The following DISP1 variants were observed in gnomAD, a reference collection of about 807,000 sequenced individuals.
DISP1 encodes protein dispatched homolog 1.
DISP1 carries 30 observed loss-of-function variants against 37.3 expected under a neutral mutation model. That is an observed-to-expected ratio of 0.80 (90% CI 0.60 to 1.09). The LOEUF is 1.09. Ranked by LOEUF, DISP1 falls within the 50% of genes least tolerant of loss-of-function variation. DISP1 has a pLI of 0.00. For synonymous variants in DISP1, 634 were observed against 690.2 expected (o/e 0.92, Z 1.28); for missense variants, 1,598 against 1,879.5 (o/e 0.85, Z 2.77).
chr1:222,940,850 C>T (rs773536336), intron 2 of DISP1, among the ~76,000 whole-genome samples: 1 of 152,028 alleles, frequency 6.6e-6, no homozygotes, highest in African/African-American at 2.4e-5. Context: ...ATGGAGTGCT[C>T]GTACAATGAG....
intron 3 of DISP1, among the ~76,000 whole-genome samples, chr1:222,982,114 G>A (rs1463114397): frequency 6.6e-6 from 1 of 152,164 alleles, no homozygotes; most frequent in African/African-American, 2.4e-5. Flanking sequence ...AAAAAGTTTA[G>A]CAAGATAAGT....
At chr1:222,963,262 G>A (rs545604114) in intron 3 of DISP1, among the ~76,000 whole-genome samples, 2 of 152,330 alleles carry the variant, frequency 1.3e-5, no homozygotes, top group East Asian at 3.9e-4. Context: ...TTATTAAAAA[G>A]TCATGAAACA....
chr1:222,904,799 C>G (rs568702355), intron 1 of DISP1, among the ~76,000 whole-genome samples: 2 of 152,178 alleles, frequency 1.3e-5, no homozygotes, highest in East Asian at 3.9e-4. Flanking sequence ...AACTCCTGAC[C>G]TCATGATCTG....
chr1:222,906,502 G>A (rs1671898033), intron 1 of DISP1, among the ~76,000 whole-genome samples: 1 of 152,214 alleles, frequency 6.6e-6, no homozygotes, highest in African/African-American at 2.4e-5. Context: ...GTCCGCACAA[G>A]ATACTGGTCA....
intron 1 of DISP1, chr1:222,823,945 G>C (rs1460141860): frequency 6.6e-6 from 1 of 150,508 alleles, no homozygotes; most frequent in African/African-American, 2.5e-5. Context: ...TTGACAAATA[G>C]GTATAGCTAC....
At chr1:222,899,557 A>G (rs184099991) in intron 1 of DISP1, among the ~76,000 whole-genome samples, 1 of 152,078 alleles carries the variant, frequency 6.6e-6, no homozygotes, top group Admixed American at 6.6e-5. Flanking sequence ...TACAGGAATG[A>G]GATTGTTTAA....
intron 4 of DISP1, among the ~76,000 whole-genome samples, chr1:222,984,440 A>AT (rs1678109777): frequency 7.4e-6 from 1 of 135,716 alleles, no homozygotes; most frequent in African/African-American, 2.9e-5. Context: ...ATATATAGAG[A>AT]GAGAGAGAGA....
At chr1:222,896,327 G>A (rs1003862742) in intron 1 of DISP1, among the ~76,000 whole-genome samples, 26 of 151,856 alleles carry the variant, frequency 1.7e-4, no homozygotes, top group Non-Finnish European at 2.9e-4. Flanking sequence ...GAGGCTGGGC[G>A]CGGTGGCTCA....
chr1:222,946,484 T>C (rs1674789820), intron 3 of DISP1, among the ~76,000 whole-genome samples: 1 of 152,158 alleles, frequency 6.6e-6, no homozygotes, highest in Non-Finnish European at 1.5e-5. Context: ...TATGTGTCCA[T>C]TTGTGTATGT....
chr1:222,852,716 A>G (rs375154138), intron 1 of DISP1, among the ~76,000 whole-genome samples: 2 of 152,350 alleles, frequency 1.3e-5, no homozygotes, highest in South Asian at 2.1e-4. Context: ...CAAAAATAAA[A>G]TACCAATTTT....
intron 1 of DISP1, among the ~76,000 whole-genome samples, chr1:222,904,113 G>T (rs1206265689): frequency 6.6e-6 from 1 of 152,174 alleles, no homozygotes; most frequent in Non-Finnish European, 1.5e-5. Context: ...AAGCTAGTAA[G>T]TTATTGGACA....
chr1:222,936,786 A>AAAAT (rs1558339780), intron 2 of DISP1, among the ~76,000 whole-genome samples: 44 of 53,432 alleles, frequency 8.2e-4, no homozygotes, highest in African/African-American at 1.2e-3. Flanking sequence ...ATCATATATA[A>AAAAT]TATATATAAT....
At chr1:222,946,861 A>T (rs1319978678) in intron 3 of DISP1, among the ~76,000 whole-genome samples, 1 of 152,150 alleles carries the variant, frequency 6.6e-6, no homozygotes, top group African/African-American at 2.4e-5. Flanking sequence ...GCTGGACCCT[A>T]GTGGAAGAGA....
At chr1:222,936,835 A>ATATATCACATATATGACATATAATT (rs1673856606) in intron 2 of DISP1, among the ~76,000 whole-genome samples, 3 of 38,948 alleles carry the variant, frequency 7.7e-5, no homozygotes, top group African/African-American at 1.0e-4. Context: ...TATATAAATT[A>ATATATCACATATATGACATATAATT]TATATATCAT....
intron 4 of DISP1, among the ~76,000 whole-genome samples, chr1:222,986,994 C>A (rs1022382321): frequency 6.6e-6 from 1 of 151,472 alleles, no homozygotes; most frequent in Non-Finnish European, 1.5e-5. Flanking sequence ...TTTGAAAATT[C>A]TTCTACTCTA....
chr1:222,821,944 T>A (rs1361374427), intron 1 of DISP1, among the ~76,000 whole-genome samples: 1 of 151,510 alleles, frequency 6.6e-6, no homozygotes, highest in Non-Finnish European at 1.5e-5. Flanking sequence ...TGCCACCATG[T>A]CACCATGTAA....
At chr1:222,956,585 C>T (rs1418687959) in intron 3 of DISP1, among the ~76,000 whole-genome samples, 1 of 151,906 alleles carries the variant, frequency 6.6e-6, no homozygotes, top group African/African-American at 2.4e-5. Flanking sequence ...AAATGTTTCT[C>T]CCTAATGCAT....
intron 1 of DISP1, among the ~76,000 whole-genome samples, chr1:222,907,449 G>T (rs1290304151): frequency 6.6e-6 from 1 of 152,076 alleles, no homozygotes; most frequent in African/African-American, 2.4e-5. Flanking sequence ...CTACTAAATG[G>T]GAATTTCCCG....
chr1:222,899,999 C>T (rs1671493792), intron 1 of DISP1: 1 of 152,086 alleles, frequency 6.6e-6, no homozygotes, highest in Admixed American at 6.6e-5. Context: ...CTTCTGACTT[C>T]AAGAGTTCAA....
Sources: allele counts gnomAD v4.1 joint callset (sites outside exome capture counted in the v4.1 genomes callset), GRCh38; gene constraint gnomAD v4.1.1; transcripts MANE v1.5; gene names NCBI Gene and HGNC (gene_info 2026-07-23, HGNC 2026-07-21).